The following TTC3 variants were observed in gnomAD, a reference collection of about 807,000 sequenced individuals.
The protein encoded by TTC3 is E3 ubiquitin-protein ligase TTC3.
TTC3 carries 180 observed loss-of-function variants against 249.6 expected under a neutral mutation model. The observed-to-expected ratio is 0.72, with a 90% CI of 0.64 to 0.82. The LOEUF (loss-of-function observed/expected upper bound fraction) is 0.82. Ranked by LOEUF, TTC3 falls within the 40% of genes least tolerant of loss-of-function variation. The pLI is 0.00. For missense variants in TTC3, 2,061 were observed against 2,398.4 expected, an observed-to-expected ratio of 0.86 and a Z score of 2.94; for synonymous variants, 717 against 805.0, an observed-to-expected ratio of 0.89 and a Z score of 1.85.
intron 5 of TTC3, among the ~76,000 whole-genome samples, chr21:37,089,203 T>A (rs2072923979): frequency 6.6e-6 from 1 of 152,232 alleles, no homozygotes; most frequent in Non-Finnish European, 1.5e-5. Context: ...ATGTGCTCTA[T>A]CTGTTGATAT....
At chr21:37,128,253 G>A (rs1042541435) in intron 15 of TTC3, among the ~76,000 whole-genome samples, 3 of 152,100 alleles carry the variant, frequency 2.0e-5, no homozygotes, top group Non-Finnish European at 4.4e-5. Context: ...TGCCATACCA[G>A]TTCTTCTACA....
In TTC3 at chr21:37,123,155, G is replaced by A. The variant is rs967477798; in HGVS notation, c.1109+127G>A. The A allele has an allele frequency of 3.2e-6, 3 of 952,216 alleles. No individual in the cohort carries two copies. The African/African-American group carries it at 4.9e-5, about 16-fold the overall frequency. 59.0% of individuals were successfully genotyped at this position (952,216 alleles called of 1,614,324 possible). ...ACAGTAAAGTTGGAGATGGAAGGAA[G>A]AGAGGTAGTTTTTTAAGTGTCCGTG... On this transcript the variant is annotated intron_variant, in intron 13 of 45. Transcript: ENST00000355666.
intron 8 of TTC3, among the ~76,000 whole-genome samples, chr21:37,094,485 A>C (rs7275363): frequency 5.9e-5 from 9 of 152,214 alleles, no homozygotes; most frequent in Non-Finnish European, 1.3e-4. Context: ...TTTTTAAAAA[A>C]TTGAGTGTTC....
Position 37,165,705 on chromosome 21 carries a change from T to A in TTC3, c.3491T>A (p.Val1164Glu), listed in dbSNP as rs142181609. 8.7e-6 allele frequency: 14 copies of A among 1,613,778 alleles called. No individual in the cohort carries two copies. The South Asian group carries it at 1.1e-4, about 13-fold the overall frequency. Residue 1164 changes from valine (V) to glutamate (E), a missense_variant, in exon 33 of 46, where the codon GTG becomes GAG. Transcript: ENST00000355666. ...CTCTTGGGATGCCCTCGTTTTGTTG[T>A]GATTGACAACTGTATTGCACTGAAG... is the stretch of plus-strand genomic sequence containing the variant.
intron 1 of TTC3, among the ~76,000 whole-genome samples, chr21:37,077,679 T>C (rs1168082307): frequency 1.3e-5 from 2 of 152,248 alleles, no homozygotes; most frequent in Non-Finnish European, 2.9e-5. Flanking sequence ...CATTTTTTGT[T>C]ATTAATGAGA....
chr21:37,166,561 A>G, exon 33 of TTC3: 2 of 1,614,090 alleles, frequency 1.2e-6, no homozygotes, highest in Non-Finnish European at 1.7e-6. Context: ...AAGTAATTCC[A>G]GAAAGCACCA....
chr21:37,159,199 C>T (rs2080433561), intron 28 of TTC3, among the ~76,000 whole-genome samples: 1 of 152,146 alleles, frequency 6.6e-6, no homozygotes, highest in Non-Finnish European at 1.5e-5. Flanking sequence ...CAGCCATGCC[C>T]CACCCCTTTG....
rs137980463 is a variant in TTC3, at chr21:37,129,055, A to G, written c.1350A>G (p.Glu450=). ...AAAAATCTCGAAACAATGAATCAGA[A>G]AAGTTCAGGTATGTTTTTTCTCTAA... Residue 450 remains glutamate (E), a synonymous_variant, in exon 16 of 46, where the codon GAA becomes GAG. Coordinates refer to ENST00000355666, the Ensembl canonical transcript of TTC3. 3.6e-4 allele frequency: 573 copies of G among 1,591,984 alleles called. 3 individuals carry two copies. The African/African-American group carries it at 5.6e-3, about 16-fold the overall frequency.
chr21:37,079,517 GTTTTTTTTTTTTTTTTTTTTT>G (rs60361476), intron 1 of TTC3, among the ~76,000 whole-genome samples: 1 of 91,180 alleles, frequency 1.1e-5, no homozygotes, highest in Non-Finnish European at 2.0e-5. Flanking sequence ...TTATGGTATG[GTTTTTTTTTTTTTTTTTTTTT>G]TTTTTTTTTT....
At chr21:37,167,909 A>G (rs1022765059) in intron 34 of TTC3, among the ~76,000 whole-genome samples, 4 of 151,722 alleles carry the variant, frequency 2.6e-5, no homozygotes, top group Non-Finnish European at 5.9e-5. Flanking sequence ...TTTTTGAGAC[A>G]CGGTCTCACT....
rs374540924 is a variant in TTC3, at chr21:37,150,103, C to T, written c.2144C>T (p.Thr715Ile). 4.5e-5 allele frequency: 72 copies of T among 1,611,016 alleles called. No homozygotes were observed. The highest frequency in any genetic ancestry group is 5.3e-5 in the Non-Finnish European group (62 of 1,178,290). ...GATTTTCTACAAGGAATATGTCTTA[C>T]CCCTGACTGTGAAGGTGTCATTTCT... Residue 715 changes from threonine to isoleucine, a missense_variant, in exon 24 of 46, where the codon ACC becomes ATC. Thr to Ile is a moderately conservative substitution (Grantham distance 89, BLOSUM62 -1). Coordinates refer to ENST00000355666, the Ensembl canonical transcript of TTC3.
chr21:37,168,408 C>G (rs1285286817), intron 34 of TTC3, among the ~76,000 whole-genome samples: 2 of 152,032 alleles, frequency 1.3e-5, no homozygotes, highest in Non-Finnish European at 2.9e-5. Context: ...AAAACCTACA[C>G]TAACCTATAT....
intron 39 of TTC3, among the ~76,000 whole-genome samples, chr21:37,189,958 A>T (rs1458428906): frequency 6.6e-6 from 1 of 151,768 alleles, no homozygotes; most frequent in African/African-American, 2.4e-5. Flanking sequence ...TCTATGTGGG[A>T]TTACTTTTCA....
intron 1 of TTC3, among the ~76,000 whole-genome samples, chr21:37,085,083 C>T (rs2147646881): frequency 6.6e-6 from 1 of 152,310 alleles, no homozygotes; most frequent in Non-Finnish European, 1.5e-5. Context: ...TGTGTGTTAT[C>T]AGTGAGATTC....
intron 20 of TTC3, 54 bp from the exon 21 acceptor site, chr21:37,144,471 G>T: frequency 1.3e-6 from 2 of 1,572,478 alleles, no homozygotes; most frequent in Non-Finnish European, 1.7e-6. Context: ...CTTTTGAAGG[G>T]AGTGAAAATA....
chr21:37,153,018 T>C (rs560244432), exon 27 of TTC3: 1 of 1,614,066 alleles, frequency 6.2e-7, no homozygotes, highest in Admixed American at 1.7e-5. Flanking sequence ...TAAAGCAGTA[T>C]GCTGACAAGA....
At chr21:37,088,829 G>C (rs762291334) in exon 5 of TTC3, 2 of 1,613,216 alleles carry the variant, frequency 1.2e-6, no homozygotes, top group East Asian at 2.2e-5. Flanking sequence ...TAAATTTGAA[G>C]AAACTACAAC....
chr21:37,110,787 G>A (rs909659858), intron 11 of TTC3, among the ~76,000 whole-genome samples: 4 of 152,184 alleles, frequency 2.6e-5, no homozygotes, highest in African/African-American at 9.7e-5. Flanking sequence ...AGGAAAAAAT[G>A]TTAAGGGCAG....
Position 37,126,092 on chromosome 21 carries a change from G to A in TTC3, c.1246G>A (p.Ala416Thr), listed in dbSNP as rs759966620. Reference sequence around the variant, plus strand: ...ATTTCATTGGCAGGTGGCGGATGAGGCGTTGAAGGTAGATGATTGTGACTG... The same window carrying A: ...ATTTCATTGGCAGGTGGCGGATGAGACGTTGAAGGTAGATGATTGTGACTG... Residue 416 changes from alanine to threonine, a missense_variant, in exon 15 of 46, where the codon GCG (alanine) becomes ACG (threonine). By Grantham distance (58) the Ala-to-Thr change is moderately conservative (BLOSUM62 0). This residue lies in a region of TTC3 where 989 missense variants were observed against 1,145.1 expected (regional missense o/e 0.86). Transcript: ENST00000355666. The A allele has an allele frequency of 8.7e-6, 14 of 1,608,642 alleles. No individual in the cohort carries two copies. In the South Asian group the frequency reaches 1.2e-4, roughly 14 times the overall value.
Sources: gnomAD v4.1 joint callset for allele counts (sites outside exome capture counted in the v4.1 genomes callset) on GRCh38, gnomAD v4.1.1 for gene constraint, gnomAD v4.1.1 regional missense constraint, MANE v1.5 for transcripts, NCBI Gene and HGNC (gene_info 2026-07-23, HGNC 2026-07-21) for gene names.